DNM1L: variants seen among roughly 807,000 people sequenced by gnomAD.
DNM1L encodes the protein dynamin-1-like protein.
A neutral mutation model predicts 92.8 loss-of-function variants in DNM1L; 33 were observed. The observed-to-expected ratio is 0.36, with a 90% CI of 0.27 to 0.48. The LOEUF is 0.48. Among genes scored for constraint, DNM1L ranks in the 20% least tolerant of loss-of-function variants. DNM1L has a pLI of 0.99. For missense variants in DNM1L, 485 were observed against 888.8 expected (o/e 0.55, Z 5.78); for synonymous variants, 284 against 305.0 (o/e 0.93, Z 0.72).
At chr12:32,682,953 T>G (rs1951864752) in intron 1 of DNM1L, among the ~76,000 whole-genome samples, 1 of 152,174 alleles carries the variant, frequency 6.6e-6, no homozygotes. Flanking sequence ...ATGGTGTAAC[T>G]TTGCAAGTAG....
At chr12:32,688,636 A>G (rs1473400353) in intron 1 of DNM1L, among the ~76,000 whole-genome samples, 1 of 152,140 alleles carries the variant, frequency 6.6e-6, no homozygotes, top group Non-Finnish European at 1.5e-5. Context: ...ATTTATCTCA[A>G]TGTGTGTATT....
At position 32,743,750 on chromosome 12, in the gene DNM1L, T is replaced by C; in HGVS notation, c.*340T>C. The C allele has an allele frequency of 3.3e-6, 1 of 303,902 alleles. No individual in the cohort carries two copies. The highest frequency in any genetic ancestry group is 6.2e-6 in the Non-Finnish European group (1 of 161,012). 18.8% of individuals were successfully genotyped at this position (303,902 alleles called of 1,614,324 possible). On this transcript the variant is annotated 3_prime_UTR_variant, in exon 20 of 20. Coordinates refer to ENST00000549701, the MANE Select transcript of DNM1L (RefSeq NM_012062.5). ...AAGATGACCTGTGTAATAATCTTTG[T>C]TAGTAGTCTTAAAGCTGCTGCCATA...
At chr12:32,683,630 C>T (rs531386832) in intron 1 of DNM1L, among the ~76,000 whole-genome samples, 7 of 151,958 alleles carry the variant, frequency 4.6e-5, no homozygotes, top group East Asian at 3.9e-4. Context: ...CTGCAACCTC[C>T]GCTTCCCGAG....
intron 9 of DNM1L, among the ~76,000 whole-genome samples, chr12:32,725,075 T>TTTCTTC (rs141222358): frequency 1.3e-5 from 2 of 151,502 alleles, no homozygotes; most frequent in East Asian, 3.9e-4. Context: ...CACTGAAGAT[T>TTTCTTC]TTCTTCTTCT....
chr12:32,738,368 T>A, intron 16 of DNM1L, 72 bp downstream of exon 16: 2 of 1,521,916 alleles, frequency 1.3e-6, no homozygotes, highest in Non-Finnish European at 1.8e-6. Flanking sequence ...ATACCACCAT[T>A]AAAGAACCTG....
At chr12:32,725,378 A>T (rs1954063828) in intron 9 of DNM1L, 1 of 152,212 alleles carries the variant, frequency 6.6e-6, no homozygotes, top group Non-Finnish European at 1.5e-5. Context: ...ACCACAAAGA[A>T]AAGATGCTTA....
intron 1 of DNM1L, among the ~76,000 whole-genome samples, chr12:32,686,439 A>G (rs1161020630): frequency 8.1e-6 from 1 of 124,164 alleles, no homozygotes; most frequent in Admixed American, 7.5e-5. Context: ...TTCATCACGA[A>G]AGAAAACTAC....
intron 1 of DNM1L, among the ~76,000 whole-genome samples, chr12:32,690,642 A>G (rs1952193023): frequency 1.3e-5 from 2 of 152,230 alleles, no homozygotes; most frequent in African/African-American, 2.4e-5. Context: ...TAATTTTTCT[A>G]AAACTCAGCT....
At chr12:32,728,755 G>A (rs1954321605) in intron 9 of DNM1L, 1 of 152,188 alleles carries the variant, frequency 6.6e-6, no homozygotes, top group South Asian at 2.1e-4. Flanking sequence ...GACATAATAG[G>A]AGATAAGGCA....
At chr12:32,740,358 GC>G (rs1470903471) in intron 17 of DNM1L, 50 bp from the exon 18 acceptor site, 1 of 1,607,834 alleles carries the variant, frequency 6.2e-7, no homozygotes, top group African/African-American at 1.3e-5. Context: ...TGTTAAAGCT[GC>G]CATTTTAGTG....
At chr12:32,737,408 AGCTT>A in intron 14 of DNM1L, 1 of 480,910 alleles carries the variant, frequency 2.1e-6, no homozygotes, top group Non-Finnish European at 3.7e-6. Flanking sequence ...TTAAGCATCA[AGCTT>A]TTTAAAAAAA....
At chr12:32,680,436 A>G (rs1214428282) in intron 1 of DNM1L, among the ~76,000 whole-genome samples, 2 of 152,188 alleles carry the variant, frequency 1.3e-5, no homozygotes, top group African/African-American at 4.8e-5. Flanking sequence ...TATAGGGTAT[A>G]AGTGCTATCA....
In DNM1L at chr12:32,710,212, GAGTT is replaced by G. The variant is rs796109651; in HGVS notation, c.370-714_370-711del. Among the ~76,000 whole-genome samples, 17 of 152,294 alleles carry G rather than the reference GAGTT, an allele frequency of 1.1e-4. No individual in the cohort carries two copies. In the East Asian group the frequency reaches 2.1e-3, roughly 19 times the overall value. The stretch of plus-strand genomic sequence containing the variant: ...ATCCAAATTCTTACTAGAGATTAAA[GAGTT>G]AGATAAACTTCTTGAGAAATCTCTT... On this transcript the variant is annotated intron_variant, in intron 4 of 19. Transcript: ENST00000549701.
intron 9 of DNM1L, among the ~76,000 whole-genome samples, chr12:32,725,860 C>G (rs1172497944): frequency 2.0e-5 from 3 of 151,416 alleles, no homozygotes; most frequent in Non-Finnish European, 4.4e-5. Context: ...CTGCCTCAGC[C>G]TCCCAAAGTG....
intron 4 of DNM1L, among the ~76,000 whole-genome samples, chr12:32,708,858 A>G (rs1195547566): frequency 6.6e-6 from 1 of 151,618 alleles, no homozygotes; most frequent in Non-Finnish European, 1.5e-5. Flanking sequence ...CTTTATTCCT[A>G]TTATTTTTCT....
At chr12:32,724,576 CAAAAA>C (rs10535838) in intron 9 of DNM1L, among the ~76,000 whole-genome samples, 219 of 95,910 alleles carry the variant, frequency 2.3e-3, no homozygotes, top group African/African-American at 5.6e-3. Context: ...ACTCTATCTC[CAAAAA>C]AAAAAAAAAA....
At chr12:32,734,411 T>G (rs1448782208) in intron 13 of DNM1L, among the ~76,000 whole-genome samples, 1 of 152,226 alleles carries the variant, frequency 6.6e-6, no homozygotes, top group Non-Finnish European at 1.5e-5. Context: ...AGTCCCCTGC[T>G]ATACCAAATT....
chr12:32,733,276 C>T (rs1227002427), intron 12 of DNM1L, among the ~76,000 whole-genome samples: 6 of 152,236 alleles, frequency 3.9e-5, no homozygotes, highest in African/African-American at 1.4e-4. Flanking sequence ...GTATCCTTTA[C>T]CCAAATAAGT....
At chr12:32,728,515 A>C in intron 9 of DNM1L, 1 of 152,218 alleles carries the variant, frequency 6.6e-6, no homozygotes, top group East Asian at 1.9e-4. Context: ...CACTTTATAA[A>C]CAGTTAATAA....
Sources: gnomAD v4.1 joint callset for allele counts (sites outside exome capture counted in the v4.1 genomes callset) on GRCh38, gnomAD v4.1.1 for gene constraint, MANE v1.5 for transcripts, NCBI Gene and HGNC (gene_info 2026-07-23, HGNC 2026-07-21) for gene names.